Variants in SOCS5 observed in about 807,000 individuals in gnomAD.
SOCS5 encodes the protein CIS-6.
In SOCS5, 32 loss-of-function variants were observed where a neutral mutation model predicts 42.8. That is an observed-to-expected ratio of 0.75 (90% CI 0.56 to 1.01). The LOEUF (loss-of-function observed/expected upper bound fraction) is 1.01, where lower values mean the gene tolerates loss of function less well. Ranked by LOEUF, SOCS5 falls within the 50% of genes least tolerant of loss-of-function variation. SOCS5 has a pLI of 0.00. For missense variants in SOCS5, 627 were observed against 653.0 expected (o/e 0.96, Z 0.43); for synonymous variants, 283 against 229.6 (o/e 1.23, Z -2.10).
chr2:46,759,024 A>G lies in SOCS5; in HGVS notation c.494A>G (p.Asp165Gly), dbSNP rs1673796575. 1 of 1,614,000 alleles carries G rather than the reference A, an allele frequency of 6.2e-7. No homozygotes were observed. Among genetic ancestry groups the G allele is most frequent in the Non-Finnish European group, 8.5e-7 (1 of 1,179,868 alleles). ...GGCGTAAGTTCTGTACACGACATGG[A>G]CAGTGTTTCCAGCAGAACTGTAGGA... ...RYGVSSVHDMDSVSSRTVGSR... is the reference protein window; with the variant it reads ...RYGVSSVHDMGSVSSRTVGSR... The change falls in exon 2 of 2, where the codon GAC (aspartate) becomes GGC (glycine). Residue 165 changes from aspartate to glycine, a missense_variant. By Grantham distance (94) the Asp-to-Gly change is moderately conservative. Transcript: ENST00000394861.
At chr2:46,753,547 C>A (rs1312266209) in intron 1 of SOCS5, among the ~76,000 whole-genome samples, 2 of 152,098 alleles carry the variant, frequency 1.3e-5, no homozygotes, top group Non-Finnish European at 2.9e-5. Context: ...GATCCAGACC[C>A]CAAGAGAGGG....
At chr2:46,741,278 C>T (rs2103741119) in intron 1 of SOCS5, among the ~76,000 whole-genome samples, 1 of 152,172 alleles carries the variant, frequency 6.6e-6, no homozygotes. Context: ...CTCGCTCTAC[C>T]ACTCAGGCTG....
At chr2:46,717,496 T>A (rs1212328603) in intron 1 of SOCS5, among the ~76,000 whole-genome samples, 1 of 152,216 alleles carries the variant, frequency 6.6e-6, no homozygotes, top group Admixed American at 6.5e-5. Flanking sequence ...TTAAGGATAT[T>A]CATGCCAGAT....
intron 1 of SOCS5, among the ~76,000 whole-genome samples, chr2:46,703,873 G>C (rs1672401478): frequency 1.3e-5 from 2 of 152,138 alleles, no homozygotes; most frequent in Admixed American, 6.5e-5. Flanking sequence ...TTTGAATCTG[G>C]TTAGAGCAGA....
intron 1 of SOCS5, among the ~76,000 whole-genome samples, chr2:46,731,895 A>C (rs2103728427): frequency 1.3e-5 from 2 of 152,360 alleles, no homozygotes; most frequent in Middle Eastern, 6.8e-3. Flanking sequence ...AAAAGACCTG[A>C]AGTTTGCATG....
At chr2:46,710,143 T>TTTTA (rs374827996) in intron 1 of SOCS5, among the ~76,000 whole-genome samples, 7 of 150,532 alleles carry the variant, frequency 4.7e-5, no homozygotes, top group East Asian at 3.9e-4. Flanking sequence ...TTTTCCTTTA[T>TTTTA]TTTATTTATT....
intron 1 of SOCS5, among the ~76,000 whole-genome samples, chr2:46,700,624 C>T (rs1672319018): frequency 6.6e-6 from 1 of 152,162 alleles, no homozygotes; most frequent in African/African-American, 2.4e-5. Context: ...GGTAAGCTAG[C>T]AGCTCTATTA....
Position 46,746,992 on chromosome 2 carries a change from A to G in SOCS5, c.-12-11527A>G, listed in dbSNP as rs184379367. Among the ~76,000 whole-genome samples the G allele has an allele frequency of 3.2e-3, 415 of 130,640 alleles. 3 individuals are homozygous for G. Among genetic ancestry groups the G allele is most frequent in the African/African-American group, 0.012 (406 of 34,868 alleles). The allele number at this position is 130,640 out of a possible 152,430, so 85.7% of individuals were successfully genotyped here. ...TCTCTTTTGATCTCTTGTTCTGGCC[A>G]TCAGTGATTACATATCAAGGTTGCT... On this transcript the variant is annotated intron_variant, in intron 1 of 1. Transcript: ENST00000394861.
intron 1 of SOCS5, among the ~76,000 whole-genome samples, chr2:46,715,851 T>C (rs1308684274): frequency 1.3e-5 from 2 of 152,186 alleles, no homozygotes; most frequent in Non-Finnish European, 2.9e-5. Flanking sequence ...GTAAAATTTT[T>C]AGCCATCTAT....
At chr2:46,745,166 C>A (rs746201910) in intron 1 of SOCS5, among the ~76,000 whole-genome samples, 47 of 152,116 alleles carry the variant, frequency 3.1e-4, no homozygotes, top group Middle Eastern at 3.4e-3. Context: ...AGCACTACAT[C>A]CTTATCAAAG....
intron 1 of SOCS5, among the ~76,000 whole-genome samples, chr2:46,735,531 C>G (rs141361142): frequency 2.0e-5 from 3 of 152,036 alleles, no homozygotes; most frequent in African/African-American, 4.8e-5. Context: ...TTTGTGTTCC[C>G]AGAGCACTCT....
chr2:46,724,350 T>A (rs1000151299), intron 1 of SOCS5, among the ~76,000 whole-genome samples: 2 of 151,954 alleles, frequency 1.3e-5, no homozygotes, highest in Non-Finnish European at 2.9e-5. Flanking sequence ...TTCCCAACTA[T>A]AGAGTGAAAG....
In SOCS5 at chr2:46,758,751, A is replaced by G. The variant is rs780903760; in HGVS notation, c.221A>G (p.Asn74Ser). 6.2e-7 allele frequency: 1 copy of G among 1,614,194 alleles called. No homozygotes were observed. The highest frequency in any genetic ancestry group is 8.5e-7 in the Non-Finnish European group (1 of 1,180,016). The change falls in exon 2 of 2, where the codon AAT (asparagine) becomes AGT (serine). Residue 74 changes from asparagine to serine, a missense_variant. Around this residue, in one of 3 missense-constraint regions of SOCS5, gnomAD observed 278 missense variants for 246.3 expected, o/e 1.13. Transcript: ENST00000394861. Reference protein sequence around the residue: ...ALQLGLSPSKNSSRRNQNCAT... With the variant: ...ALQLGLSPSKSSSRRNQNCAT... ...CAACTGGGATTAAGCCCTTCGAAGA[A>G]TTCTTCAAGGAGAAATCAAAATTGT... is the stretch of plus-strand genomic sequence containing the variant.
At chr2:46,716,035 A>AT in intron 1 of SOCS5, among the ~76,000 whole-genome samples, 1 of 147,746 alleles carries the variant, frequency 6.8e-6, no homozygotes, top group African/African-American at 2.5e-5. Context: ...AGGGTAACTG[A>AT]TTTTTTTGTT....
chr2:46,748,207 A>T (rs1404775865), intron 1 of SOCS5, among the ~76,000 whole-genome samples: 29 of 107,060 alleles, frequency 2.7e-4, no homozygotes, highest in African/African-American at 8.1e-4. Context: ...TTTTTTTTTG[A>T]CACAGTCTCA....
intron 1 of SOCS5, among the ~76,000 whole-genome samples, chr2:46,719,829 T>G (rs924571798): frequency 6.6e-6 from 1 of 152,208 alleles, no homozygotes; most frequent in Non-Finnish European, 1.5e-5. Context: ...GAAAGAAGAA[T>G]GACCTTAACC....
rs558671937 is a variant in SOCS5, at chr2:46,761,490, A to G, written c.*1349A>G. ...CCCTATGGCTATTGCCAAGGCTACA[A>G]AAAAGGAAAGCTATATTTGTATGCA... On this transcript the variant is annotated 3_prime_UTR_variant, in exon 2 of 2. Coordinates refer to ENST00000394861, the MANE Select transcript of SOCS5 (RefSeq NM_144949.3). The G allele has an allele frequency of 1.3e-3, 216 of 167,200 alleles. No homozygotes were observed. The highest frequency in any genetic ancestry group is 5.0e-3 in the African/African-American group (207 of 41,576). The allele number at this position is 167,200 out of a possible 1,614,324, so 10.4% of individuals were successfully genotyped here. A position where few individuals can be genotyped will look rare whatever the true frequency, so the allele number is the denominator to read the frequency against.
Position 46,760,007 on chromosome 2 carries a change from T to G in SOCS5, c.1477T>G (p.Cys493Gly), listed in dbSNP as rs757826930. Residue 493 changes from cysteine (C) to glycine (G), a missense_variant, in exon 2 of 2, where the codon TGC becomes GGC. Cys to Gly is a radical substitution (Grantham distance 159, BLOSUM62 -3). Transcript: ENST00000394861. ...SLQYICRAVI[C>G]RCTTYDGIDG... ...GCAGTATATCTGTCGCGCGGTAATC[T>G]GCAGGTGCACTACGTATGATGGAAT... 1 of 1,614,204 alleles carries G rather than the reference T, an allele frequency of 6.2e-7. No homozygotes were observed. Among genetic ancestry groups the G allele is most frequent in the Non-Finnish European group, 8.5e-7 (1 of 1,180,024 alleles).
chr2:46,719,722 T>C (rs1672837742), intron 1 of SOCS5, among the ~76,000 whole-genome samples: 1 of 152,126 alleles, frequency 6.6e-6, no homozygotes, highest in Non-Finnish European at 1.5e-5. Context: ...TGGAAACCCA[T>C]AGCAGAAAAT....
Sources: gnomAD v4.1 joint callset for allele counts (sites outside exome capture counted in the v4.1 genomes callset) on GRCh38, gnomAD v4.1.1 for gene constraint, gnomAD v4.1.1 regional missense constraint, MANE v1.5 for transcripts, NCBI Gene and HGNC (gene_info 2026-07-23, HGNC 2026-07-21) for gene names.